EML4: variants seen among roughly 807,000 people sequenced by gnomAD.
The protein encoded by EML4 is EMAP like 4, also known as echinoderm microtubule-associated protein-like 4.
A neutral mutation model predicts 129.0 loss-of-function variants in EML4; 72 were observed. The observed-to-expected ratio is 0.56, with a 90% CI of 0.46 to 0.68. The LOEUF (loss-of-function observed/expected upper bound fraction) is 0.68, where lower values mean the gene tolerates loss of function less well. EML4 is among the 30% of genes least tolerant of loss of function. EML4 has a pLI of 0.00. For missense variants in EML4, 1,363 were observed against 1,190.6 expected (o/e 1.14, Z -2.13); for synonymous variants, 532 against 405.0 (o/e 1.31, Z -3.77).
At chr2:42,273,657 AGTAGCATTTT>A in intron 6 of EML4, among the ~76,000 whole-genome samples, 2 of 150,556 alleles carry the variant, frequency 1.3e-5, no homozygotes, top group East Asian at 4.1e-4. Context: ...AAAAAATTAA[AGTAGCATTTT>A]GTACTTAGTC....
At chr2:42,251,960 A>C (rs1675798110) in intron 2 of EML4, among the ~76,000 whole-genome samples, 1 of 152,236 alleles carries the variant, frequency 6.6e-6, no homozygotes, top group Non-Finnish European at 1.5e-5. Context: ...GCTAGCTGAG[A>C]AACAATTTCA....
chr2:42,182,430 G>A (rs1671003021), intron 1 of EML4, among the ~76,000 whole-genome samples: 1 of 151,574 alleles, frequency 6.6e-6, no homozygotes, highest in African/African-American at 2.4e-5. Context: ...CCTATGCCAG[G>A]CTGCCTTTCT....
chr2:42,246,360 T>G (rs1487766262), intron 2 of EML4, among the ~76,000 whole-genome samples: 1 of 152,186 alleles, frequency 6.6e-6, no homozygotes, highest in Non-Finnish European at 1.5e-5. Flanking sequence ...CTTACTGATT[T>G]ATTGGTAGAG....
At chr2:42,206,823 G>C (rs1572542288) in intron 1 of EML4, among the ~76,000 whole-genome samples, 1 of 152,120 alleles carries the variant, frequency 6.6e-6, no homozygotes, top group Non-Finnish European at 1.5e-5. Context: ...TGGTTGGTTT[G>C]AATAACACAG....
At chr2:42,303,076 T>C in intron 14 of EML4, 28 bp from the exon 15 acceptor site, 1 of 1,611,154 alleles carries the variant, frequency 6.2e-7, no homozygotes, top group Non-Finnish European at 8.5e-7. Flanking sequence ...TTAGTATGTA[T>C]ATGGTGACTT....
intron 11 of EML4, among the ~76,000 whole-genome samples, chr2:42,290,905 T>C (rs1384460955): frequency 6.6e-6 from 1 of 152,174 alleles, no homozygotes. Flanking sequence ...AAAACTCAGC[T>C]TTCATAGGAG....
intron 13 of EML4, among the ~76,000 whole-genome samples, chr2:42,300,679 A>G (rs1276897646): frequency 2.0e-5 from 3 of 152,230 alleles, no homozygotes; most frequent in African/African-American, 7.2e-5. Context: ...GGCACAGCAG[A>G]AGGCCTCTGG....
intron 17 of EML4, among the ~76,000 whole-genome samples, chr2:42,305,219 C>T (rs1346798774): frequency 6.6e-6 from 1 of 152,132 alleles, no homozygotes; most frequent in Non-Finnish European, 1.5e-5. Flanking sequence ...TGAGACCAGC[C>T]TGGGTGAGAC....
intron 1 of EML4, among the ~76,000 whole-genome samples, chr2:42,221,368 C>T (rs1294224913): frequency 1.4e-5 from 2 of 146,520 alleles, no homozygotes; most frequent in African/African-American, 2.5e-5. Context: ...AACAACAAAG[C>T]TTAGATGACA....
Position 42,301,498 on chromosome 2 carries a change from T to C in EML4, c.1641+106T>C, listed in dbSNP as rs945716798. 36 of 892,788 alleles carry C rather than the reference T, an allele frequency of 4.0e-5. No homozygotes were observed. In the African/African-American group the frequency reaches 4.2e-4, roughly 10 times the overall value. The allele number at this position is 892,788 out of a possible 1,614,324, so 55.3% of individuals were successfully genotyped here. On this transcript the variant is annotated intron_variant, in intron 14 of 22. Transcript: ENST00000318522. ...TTCTGGCAAACTTATTAAATTCTTA[T>C]AATTTCATTTCCTTTCCTCAAGAAA... is the stretch of plus-strand genomic sequence containing the variant.
chr2:42,271,336 G>A (rs1289624449), intron 6 of EML4, among the ~76,000 whole-genome samples: 1 of 152,198 alleles, frequency 6.6e-6, no homozygotes, highest in Admixed American at 6.5e-5. Flanking sequence ...AAGGACAGCA[G>A]GCCCGCCAGG....
chr2:42,181,867 T>C (rs1357011578), intron 1 of EML4, among the ~76,000 whole-genome samples: 1 of 152,202 alleles, frequency 6.6e-6, no homozygotes, highest in African/African-American at 2.4e-5. Flanking sequence ...CCAAGCTCTA[T>C]GTGCTAGTTG....
chr2:42,199,514 G>C (rs933805862), intron 1 of EML4, among the ~76,000 whole-genome samples: 26 of 152,276 alleles, frequency 1.7e-4, no homozygotes, highest in African/African-American at 6.0e-4. Flanking sequence ...TATGTGTGCT[G>C]CAATAGAAAG....
chr2:42,313,966 C>G (rs940286239), intron 17 of EML4, among the ~76,000 whole-genome samples: 1 of 151,230 alleles, frequency 6.6e-6, no homozygotes, highest in African/African-American at 2.4e-5. Context: ...CATCACGATT[C>G]TTTTTATTGG....
chr2:42,241,017 G>A (rs942387009), intron 1 of EML4, among the ~76,000 whole-genome samples: 18 of 152,012 alleles, frequency 1.2e-4, no homozygotes, highest in African/African-American at 4.1e-4. Flanking sequence ...GGTGGCATGC[G>A]CCTCTGTAAT....
chr2:42,290,679 C>T (rs544033522), intron 11 of EML4, among the ~76,000 whole-genome samples: 3 of 152,068 alleles, frequency 2.0e-5, no homozygotes, highest in Non-Finnish European at 4.4e-5. Flanking sequence ...CTGCAGTGAG[C>T]TGAGATTGTG....
At chr2:42,316,673 C>A (rs371487774) in intron 18 of EML4, among the ~76,000 whole-genome samples, 1 of 152,288 alleles carries the variant, frequency 6.6e-6, no homozygotes, top group Non-Finnish European at 1.5e-5. Context: ...ACCACTCTTC[C>A]CTGGAGTTAG....
At chr2:42,182,170 T>TA (rs397757049) in intron 1 of EML4, among the ~76,000 whole-genome samples, 77 of 149,656 alleles carry the variant, frequency 5.1e-4, no homozygotes, top group African/African-American at 1.8e-3. Context: ...TTTTTTTTTT[T>TA]ATTATACTTT....
At chr2:42,194,370 T>G (rs1258951721) in intron 1 of EML4, among the ~76,000 whole-genome samples, 3 of 141,890 alleles carry the variant, frequency 2.1e-5, no homozygotes, top group Non-Finnish European at 4.6e-5. Context: ...TTGCACTGGA[T>G]AATTTATATC....
Sources: gnomAD v4.1 joint callset for allele counts (sites outside exome capture counted in the v4.1 genomes callset) on GRCh38, gnomAD v4.1.1 for gene constraint, MANE v1.5 for transcripts, NCBI Gene and HGNC (gene_info 2026-07-23, HGNC 2026-07-21) for gene names.